The following FBXO34 variants were observed in gnomAD, a reference collection of about 807,000 sequenced individuals.
The protein encoded by FBXO34 is F-box only protein 34.
Under a neutral mutation model 24.5 loss-of-function variants are expected in FBXO34, and 12 were observed. The ratio of observed to expected loss-of-function variants is 0.49; its 90% CI spans 0.31 to 0.79. The LOEUF is 0.79. FBXO34 is among the 30% of genes least tolerant of loss of function. The probability of loss-of-function intolerance (pLI) is 0.04; values close to 1 mark genes in which losing one functional copy is unlikely to be tolerated. For synonymous variants in FBXO34, 320 were observed against 311.9 expected (o/e 1.03, Z -0.27); for missense variants, 823 against 857.7 (o/e 0.96, Z 0.51).
intron 1 of FBXO34, among the ~76,000 whole-genome samples, chr14:55,317,014 C>A (rs1340646853): frequency 1.3e-5 from 2 of 152,188 alleles, no homozygotes; most frequent in Non-Finnish European, 2.9e-5. Context: ...GATGATCTGG[C>A]TGGCAAATTT....
At chr14:55,282,328 A>G (rs1003373129) in intron 1 of FBXO34, 4 of 458,692 alleles carry the variant, frequency 8.7e-6, no homozygotes, top group Non-Finnish European at 1.8e-5. Context: ...TGTGCTTTCA[A>G]CACTTTCACA....
chr14:55,284,201 A>AT (rs1462272114), intron 1 of FBXO34, among the ~76,000 whole-genome samples: 8 of 152,022 alleles, frequency 5.3e-5, no homozygotes, highest in Non-Finnish European at 7.4e-5. Flanking sequence ...AGGGTATAAA[A>AT]TTTTTTTACA....
exon 3 of FBXO34, chr14:55,367,915 T>C (rs1486711506): frequency 6.6e-6 from 1 of 152,522 alleles, no homozygotes; most frequent in Non-Finnish European, 1.5e-5. Flanking sequence ...ATATAGCACC[T>C]CGGACTTGGA....
downstream of FBXO34, chr14:55,355,066 C>G (rs1359625979): frequency 6.6e-6 from 1 of 152,144 alleles, no homozygotes; most frequent in Admixed American, 6.5e-5. Flanking sequence ...ACTTCAAGCC[C>G]TTACTTGATC....
At chr14:55,415,279 A>G in the FBXO34 span, among the ~76,000 whole-genome samples, 1 of 152,260 alleles carries the variant, frequency 6.6e-6, no homozygotes, top group East Asian at 1.9e-4. Flanking sequence ...TGAAAGGACT[A>G]TAACAACTGT....
chr14:55,440,418 T>C, the FBXO34 span: 7 of 1,612,870 alleles, frequency 4.3e-6, no homozygotes, highest in East Asian at 4.5e-5. Flanking sequence ...CTGGTCCAGG[T>C]AGAGCTCCAG....
At chr14:55,371,850 T>C (rs1884826276), downstream of FBXO34, among the ~76,000 whole-genome samples, 1 of 152,046 alleles carries the variant, frequency 6.6e-6, no homozygotes, top group African/African-American at 2.4e-5. Flanking sequence ...AGGGGTGCTC[T>C]CAAGTTTACT....
chr14:55,279,282 G>A (rs137962043), intron 1 of FBXO34, among the ~76,000 whole-genome samples: 17 of 110,358 alleles, frequency 1.5e-4, no homozygotes, highest in Admixed American at 1.1e-3. Flanking sequence ...GCGAGACTCC[G>A]TCAAAAAAAA....
the FBXO34 span, chr14:55,440,718 T>C: frequency 4.4e-6 from 3 of 684,386 alleles, no homozygotes; most frequent in Non-Finnish European, 6.9e-6. Flanking sequence ...GCGTCTCGCC[T>C]GGGGGCAGTC....
chr14:55,299,092 A>T lies in FBXO34; in HGVS notation c.-11+27555A>T, dbSNP rs374270307. ...GGGTTTGGAGAAAAGTCTGACGAGG[A>T]TGAGCTCATGGCGGAATTAGAAGAA... On this transcript the variant is annotated intron_variant, in intron 1 of 1. Coordinates refer to ENST00000313833, the MANE Select transcript of FBXO34 (RefSeq NM_017943.4). 2.2e-4 allele frequency: 313 copies of T among 1,411,228 alleles called. No homozygotes were observed. In the African/African-American group the frequency reaches 4.0e-3, roughly 18 times the overall value. 87.4% of individuals were successfully genotyped at this position (1,411,228 alleles called of 1,614,324 possible). A position where few individuals can be genotyped will look rare whatever the true frequency, so the allele number is the denominator to read the frequency against.
chr14:55,387,971 C>G, the FBXO34 span, among the ~76,000 whole-genome samples: 3 of 152,074 alleles, frequency 2.0e-5, no homozygotes, highest in African/African-American at 7.2e-5. Flanking sequence ...CAATTTCTTA[C>G]AGTTTTGAAA....
downstream of FBXO34, among the ~76,000 whole-genome samples, chr14:55,355,968 T>G (rs1033302262): frequency 6.6e-5 from 10 of 152,200 alleles, no homozygotes; most frequent in African/African-American, 2.4e-4. Flanking sequence ...TGGTGGAAAC[T>G]CCCACTGCAG....
At chr14:55,317,290 A>G (rs1277036028) in intron 1 of FBXO34, among the ~76,000 whole-genome samples, 4 of 152,276 alleles carry the variant, frequency 2.6e-5, no homozygotes, top group African/African-American at 9.6e-5. Context: ...ACAAATTTGT[A>G]GTTAAATAAG....
At chr14:55,409,000 T>G in the FBXO34 span, among the ~76,000 whole-genome samples, 1 of 152,206 alleles carries the variant, frequency 6.6e-6, no homozygotes. Flanking sequence ...GACATTATCT[T>G]ATTTACATTT....
chr14:55,323,053 T>C (rs912953512), intron 1 of FBXO34, among the ~76,000 whole-genome samples: 4 of 138,850 alleles, frequency 2.9e-5, no homozygotes, highest in Admixed American at 2.1e-4. Flanking sequence ...GGCATGATGG[T>C]GGGTGCCTGT....
the FBXO34 span, among the ~76,000 whole-genome samples, chr14:55,419,002 T>C: frequency 1.3e-5 from 2 of 152,228 alleles, no homozygotes; most frequent in Non-Finnish European, 2.9e-5. Flanking sequence ...CAGATTATGA[T>C]TAAAACTGGA....
At position 55,353,145 on chromosome 14, in the gene FBXO34, T is replaced by G. The variant is rs1347391824; in HGVS notation, c.*619T>G. 6.0e-6 allele frequency: 1 copy of G among 167,246 alleles called. No individual in the cohort carries two copies. Among genetic ancestry groups the G allele is most frequent in the African/African-American group, 2.4e-5 (1 of 41,426 alleles). 10.4% of individuals were successfully genotyped at this position (167,246 alleles called of 1,614,324 possible). A position where few individuals can be genotyped will look rare whatever the true frequency, so the allele number is the denominator to read the frequency against. On this transcript the variant is annotated 3_prime_UTR_variant, in exon 2 of 2. Transcript: ENST00000313833. ...AAGTGCACGTTAAACCTGAGCGCCT[T>G]TACCTTTAGATGAGTGCTTTGGCCC...
In FBXO34 at chr14:55,333,740, A is replaced by G. The variant is rs559511904; in HGVS notation, c.-10-16641A>G. Among the ~76,000 whole-genome samples the G allele has an allele frequency of 3.5e-4, 52 of 147,974 alleles. 1 individual carries two copies. The highest frequency in any genetic ancestry group is 1.2e-3 in the African/African-American group (48 of 39,572). ...GGGGTGGCTTTTTTTTTTTAAATCT[A>G]TGTAAACATGACCCTATTAGACAGC... On this transcript the variant is annotated intron_variant, in intron 1 of 1. Coordinates refer to ENST00000313833, the MANE Select transcript of FBXO34 (RefSeq NM_017943.4).
At chr14:55,395,050 T>TC in the FBXO34 span, 1 of 497,408 alleles carries the variant, frequency 2.0e-6, no homozygotes, top group Non-Finnish European at 4.1e-6. Flanking sequence ...TTCTGACTTT[T>TC]CCCCCTTTGC....
Sources: allele counts gnomAD v4.1 joint callset (sites outside exome capture counted in the v4.1 genomes callset), GRCh38; gene constraint gnomAD v4.1.1; transcripts MANE v1.5; gene names NCBI Gene and HGNC (gene_info 2026-07-23, HGNC 2026-07-21).